ZNF236: variants seen among roughly 807,000 people sequenced by gnomAD.
ZNF236 encodes zinc finger protein 236, also known as regulated by glucose.
ZNF236 carries 50 observed loss-of-function variants against 191.2 expected under a neutral mutation model. The observed-to-expected ratio is 0.26, with a 90% CI of 0.21 to 0.33. ZNF236 has a LOEUF of 0.33. ZNF236 is among the 10% of genes least tolerant of loss of function. The pLI is 1.00. For missense variants in ZNF236, 1,754 were observed against 2,374.5 expected (o/e 0.74, Z 5.43); for synonymous variants, 907 against 928.8 (o/e 0.98, Z 0.43).
At position 76,880,725 on chromosome 18, in the gene ZNF236, G is replaced by A. The variant is rs1976867724; in HGVS notation, c.1188+409G>A. ...CATACTGCCTGGCCTTCTCTCGTGG[G>A]TGTGTGGGCAGCACCTGCACGTGTG... On this transcript the variant is annotated intron_variant, in intron 8 of 30. Transcript: ENST00000320610. The surrounding 1 kb of genome is among the most constrained non-coding windows in gnomAD (Gnocchi z 5.0). 6.6e-6 allele frequency among the ~76,000 whole-genome samples: 1 copy of A among 152,170 alleles called. No homozygotes were observed. Among genetic ancestry groups the A allele is most frequent in the South Asian group, 2.1e-4 (1 of 4,828 alleles).
In ZNF236 at chr18:76,923,164, G is replaced by A; in HGVS notation, c.3651G>A (p.Lys1217=). 6.2e-7 allele frequency: 1 copy of A among 1,611,518 alleles called. No homozygotes were observed. The highest frequency in any genetic ancestry group is 8.5e-7 in the Non-Finnish European group (1 of 1,177,670). The change falls in exon 21 of 31, where the codon AAG becomes AAA. Residue 1217 remains lysine (K), a synonymous_variant. Coordinates refer to ENST00000320610, the MANE Select transcript of ZNF236 (RefSeq NM_001306089.2). ...AATCCACTCTCGATTGTCATGTGAAGACTCACACAGGTAAGGAAAACATGC... is the reference window on the plus strand; with the variant it reads ...AATCCACTCTCGATTGTCATGTGAAAACTCACACAGGTAAGGAAAACATGC... ...TVKSTLDCHV[K]THTGQKLFSC...
In ZNF236 at chr18:76,919,953, T is replaced by A. The variant is rs1248284717; in HGVS notation, c.3452T>A (p.Ile1151Asn). The A allele has an allele frequency of 6.2e-7, 1 of 1,614,134 alleles. No individual in the cohort carries two copies. Residue 1151 changes from isoleucine (I) to asparagine (N), a missense_variant, in exon 20 of 31, where the codon ATC becomes AAC. By Grantham distance (149) the Ile-to-Asn change is moderately radical. Coordinates refer to ENST00000320610, the MANE Select transcript of ZNF236 (RefSeq NM_001306089.2). The surrounding 1 kb of genome is among the most constrained non-coding windows in gnomAD (Gnocchi z 5.3). The part of the protein sequence containing the change: ...LVQSAAEKDR[I>N]SELRDKQAEL... ...CAGTCCGCGGCAGAAAAGGACCGCA[T>A]CAGTGAGCTGAGGGACAAGCAGGCG...
intron 16 of ZNF236, among the ~76,000 whole-genome samples, chr18:76,911,546 T>G (rs1353671485): frequency 6.6e-6 from 1 of 152,204 alleles, no homozygotes; most frequent in Non-Finnish European, 1.5e-5. Flanking sequence ...TTTATCTAAG[T>G]TGGTTTTGGA....
intron 3 of ZNF236, among the ~76,000 whole-genome samples, chr18:76,857,299 C>T (rs1976070240): frequency 6.7e-6 from 1 of 149,814 alleles, no homozygotes; most frequent in South Asian, 2.1e-4. Context: ...AGCCAGGACC[C>T]CCATGGTCTT....
At chr18:76,840,459 A>G (rs922017861) in intron 1 of ZNF236, among the ~76,000 whole-genome samples, 3 of 151,846 alleles carry the variant, frequency 2.0e-5, no homozygotes, top group Non-Finnish European at 2.9e-5. Context: ...GTGCCATTGC[A>G]CTCCAGCCTG....
chr18:76,957,956 C>T (rs1225397953), intron 28 of ZNF236, among the ~76,000 whole-genome samples: 1 of 152,238 alleles, frequency 6.6e-6, no homozygotes, highest in African/African-American at 2.4e-5. Context: ...TTAAGAGCTT[C>T]TGCACAGCAA....
chr18:76,838,270 C>T (rs746180946), intron 1 of ZNF236, among the ~76,000 whole-genome samples: 7 of 152,112 alleles, frequency 4.6e-5, no homozygotes, highest in Non-Finnish European at 1.0e-4. Flanking sequence ...TCTTTCTATC[C>T]CATGACTAAG....
chr18:76,849,723 G>T, intron 2 of ZNF236, 55 bp downstream of exon 2: 1 of 1,405,466 alleles, frequency 7.1e-7, no homozygotes. Context: ...TGGAGGTATT[G>T]TAAAAATGAA....
At position 76,875,500 on chromosome 18, in the gene ZNF236, C is replaced by A; in HGVS notation, c.676C>A (p.Pro226Thr). 1.3e-6 allele frequency: 2 copies of A among 1,522,030 alleles called. No individual in the cohort carries two copies. Among genetic ancestry groups the A allele is most frequent in the Admixed American group, 2.1e-5 (1 of 47,520 alleles). The allele number at this position is 1,522,030 out of a possible 1,614,324, so 94.3% of individuals were successfully genotyped here. Residue 226 changes from proline to threonine, a missense_variant, in exon 6 of 31, where the codon CCG becomes ACG. By Grantham distance (38) the Pro-to-Thr change is conservative. This residue lies in a region of ZNF236 where 336 missense variants were observed against 495.1 expected (regional missense o/e 0.68). Coordinates refer to ENST00000320610, the MANE Select transcript of ZNF236 (RefSeq NM_001306089.2). This position sits in a 1 kb window ranked among gnomAD's most constrained non-coding sequence, Gnocchi z 4.3. Reference sequence around the variant, plus strand: ...TTTTTCTCCCACTCTAGGTGAAAGGCCGTTCAAATGTAGTGAATGTGGAAA... The same window carrying A: ...TTTTTCTCCCACTCTAGGTGAAAGGACGTTCAAATGTAGTGAATGTGGAAA... Reference protein sequence around the residue: ...RHIRIHTGERPFKCSECGKAF... With the variant: ...RHIRIHTGERTFKCSECGKAF...
rs558342277 is a variant in ZNF236, at chr18:76,892,975, T to C, written c.1418-2038T>C. 2.2e-4 allele frequency among the ~76,000 whole-genome samples: 34 copies of C among 152,320 alleles called. No homozygotes were observed. The East Asian group carries it at 6.0e-3, about 27-fold the overall frequency. ...CATTTGTCAGAGTTGGAAATCTGGA[T>C]TCCATTTTCTTTTTTAACATTGTGT... is the stretch of plus-strand genomic sequence containing the variant. On this transcript the variant is annotated intron_variant, in intron 9 of 30. Transcript: ENST00000320610.
chr18:76,824,262 A>C, intron 1 of ZNF236: 1 of 776,700 alleles, frequency 1.3e-6, no homozygotes, highest in South Asian at 1.3e-5. Flanking sequence ...CAAACCAGGA[A>C]TTCTTGTCGT....
intron 9 of ZNF236, among the ~76,000 whole-genome samples, chr18:76,894,410 G>A (rs1977340123): frequency 6.6e-6 from 1 of 152,130 alleles, no homozygotes; most frequent in East Asian, 1.9e-4. Context: ...AAAACAGAGG[G>A]ACAGGTGTAC....
chr18:76,849,616 C>T lies in ZNF236; in HGVS notation c.146C>T (p.Pro49Leu). ...TGTGAAATCTGTCTACTATCTTTTCCAAAAGAATCCCAGTTTCAACGCCAC... is the reference window on the plus strand; with the variant it reads ...TGTGAAATCTGTCTACTATCTTTTCTAAAAGAATCCCAGTTTCAACGCCAC... The part of the protein sequence containing the change: ...HKCEICLLSF[P>L]KESQFQRHMR... Residue 49 changes from proline (P) to leucine (L), a missense_variant, in exon 2 of 31, where the codon CCA (proline) becomes CTA (leucine). Around this residue, in one of 5 missense-constraint regions of ZNF236, gnomAD observed 336 missense variants for 495.1 expected, o/e 0.68. Transcript: ENST00000320610. 1 of 1,608,670 alleles carries T rather than the reference C, an allele frequency of 6.2e-7. No individual in the cohort carries two copies. Among genetic ancestry groups the T allele is most frequent in the East Asian group, 2.2e-5 (1 of 44,536 alleles).
In ZNF236 at chr18:76,941,039, G is replaced by A. The variant is rs184571608; in HGVS notation, c.4782+3696G>A. ...ATCTGATGTGGAAAAGTTTCATCCC[G>A]AAACCATCTCCCCAACATCCCCTAC... On this transcript the variant is annotated intron_variant, in intron 26 of 30. Coordinates refer to ENST00000320610, the MANE Select transcript of ZNF236 (RefSeq NM_001306089.2). Among the ~76,000 whole-genome samples the A allele has an allele frequency of 3.9e-5, 6 of 152,266 alleles. 1 individual carries two copies. Among genetic ancestry groups the A allele is most frequent in the Admixed American group, 3.3e-4 (5 of 15,296 alleles).
At position 76,920,025 on chromosome 18, in the gene ZNF236, C is replaced by G. The variant is rs1360716824; in HGVS notation, c.3524C>G (p.Pro1175Arg). ...PKHANCCTYC[P>R]KSFKKPSDLV... ...CACGCCAACTGCTGCACATACTGCC[C>G]CAAGAGCTTCAAGAAACCTAGCGAC... The change falls in exon 20 of 31, where the codon CCC becomes CGC. Residue 1175 changes from proline (P) to arginine (R), a missense_variant. By Grantham distance (103) the Pro-to-Arg change is moderately radical (BLOSUM62 -2). Coordinates refer to ENST00000320610, the MANE Select transcript of ZNF236 (RefSeq NM_001306089.2). The G allele has an allele frequency of 6.2e-7, 1 of 1,612,570 alleles. No homozygotes were observed. Among genetic ancestry groups the G allele is most frequent in the Non-Finnish European group, 8.5e-7 (1 of 1,179,864 alleles).
intron 26 of ZNF236, among the ~76,000 whole-genome samples, chr18:76,945,157 T>G (rs575794452): frequency 6.6e-6 from 1 of 152,322 alleles, no homozygotes; most frequent in African/African-American, 2.4e-5. Flanking sequence ...AACAAGAAGT[T>G]GTAATTTTTC....
chr18:76,836,627 G>C (rs1258872530), intron 1 of ZNF236, among the ~76,000 whole-genome samples: 1 of 151,942 alleles, frequency 6.6e-6, no homozygotes, highest in Non-Finnish European at 1.5e-5. Context: ...GCCCAGGCTA[G>C]AGTGCAGTGG....
intron 28 of ZNF236, 83 bp from the exon 29 acceptor site, chr18:76,959,604 T>G (rs1466466073): frequency 9.4e-6 from 14 of 1,493,014 alleles, no homozygotes; most frequent in East Asian, 2.3e-5. Context: ...TGACTTGAAC[T>G]TTGCAGTGAT....
Position 76,866,408 on chromosome 18 carries a change from G to A in ZNF236, c.364-2277G>A, listed in dbSNP as rs184956233. On this transcript the variant is annotated intron_variant, in intron 3 of 30. Transcript: ENST00000320610. ...ATGGCTTCTGAGAAGGCCAGGACAG[G>A]AGACAGGATGATGATGGGGGGGATC... Among the ~76,000 whole-genome samples, 949 of 152,198 alleles carry A rather than the reference G, an allele frequency of 6.2e-3. 6 individuals carry two copies. The highest frequency in any genetic ancestry group is 0.011 in the Non-Finnish European group (755 of 67,996).
Sources: gnomAD v4.1 joint callset for allele counts (sites outside exome capture counted in the v4.1 genomes callset) on GRCh38, gnomAD v4.1.1 for gene constraint, gnomAD v4.1.1 regional missense constraint, Gnocchi (gnomAD v3.1) non-coding constraint, MANE v1.5 for transcripts, NCBI Gene and HGNC (gene_info 2026-07-23, HGNC 2026-07-21) for gene names.